EPHA3: variants seen among roughly 807,000 people sequenced by gnomAD.
EPHA3 encodes EPH receptor A3, also known as ephrin type-A receptor 3.
Under a neutral mutation model 107.1 loss-of-function variants are expected in EPHA3, and 42 were observed. That is an observed-to-expected ratio of 0.39 (90% confidence interval 0.31 to 0.51). The LOEUF (loss-of-function observed/expected upper bound fraction) is 0.51. Ranked by LOEUF, EPHA3 falls within the 20% of genes least tolerant of loss-of-function variation. EPHA3 has a pLI of 0.78. For missense variants in EPHA3, 1,183 were observed against 1,211.2 expected (o/e 0.98, Z 0.35); for synonymous variants, 461 against 424.8 (o/e 1.09, Z -1.05).
chr3:89,423,208 G>C (rs1559690641), intron 11 of EPHA3, among the ~76,000 whole-genome samples: 4 of 151,494 alleles, frequency 2.6e-5, no homozygotes, highest in Admixed American at 2.0e-4. Context: ...TGTAACTTAA[G>C]TGTAACTTTG....
chr3:89,192,748 A>G (rs1705749832), intron 2 of EPHA3, among the ~76,000 whole-genome samples: 2 of 152,056 alleles, frequency 1.3e-5, no homozygotes, highest in South Asian at 4.1e-4. Flanking sequence ...ATATGTTACC[A>G]TTTTAGGTGT....
chr3:89,419,812 C>CCCCTGCAT (rs1331862587), intron 11 of EPHA3, among the ~76,000 whole-genome samples: 1 of 151,334 alleles, frequency 6.6e-6, no homozygotes, highest in Non-Finnish European at 1.5e-5. Context: ...CTCCTCCCAC[C>CCCCTGCAT]CCCTGCATCC....
chr3:89,376,563 T>C (rs1708409024), intron 5 of EPHA3, among the ~76,000 whole-genome samples: 1 of 152,014 alleles, frequency 6.6e-6, no homozygotes, highest in African/African-American at 2.4e-5. Context: ...AAATAATTTA[T>C]GTTTTAATTT....
At chr3:89,339,850 C>T (rs539403510) in intron 3 of EPHA3, among the ~76,000 whole-genome samples, 2 of 152,150 alleles carry the variant, frequency 1.3e-5, no homozygotes, top group East Asian at 3.9e-4. Context: ...TCATCAAGTC[C>T]AAATGTGGCA....
chr3:89,344,897 C>G (rs924804196), intron 5 of EPHA3, among the ~76,000 whole-genome samples: 2 of 141,540 alleles, frequency 1.4e-5, no homozygotes, highest in East Asian at 2.0e-4. Flanking sequence ...TCAATACTTT[C>G]ACAAAGTATG....
At chr3:89,433,379 C>T (rs572310748) in intron 13 of EPHA3, among the ~76,000 whole-genome samples, 99 of 152,078 alleles carry the variant, frequency 6.5e-4, no homozygotes, top group Non-Finnish European at 1.2e-3. Flanking sequence ...GCATGCATAT[C>T]ATGCTATAAT....
intron 2 of EPHA3, among the ~76,000 whole-genome samples, chr3:89,147,296 C>T (rs1704582809): frequency 6.6e-6 from 1 of 151,520 alleles, no homozygotes. Context: ...CACATATATA[C>T]CTATGTAACA....
In EPHA3 at chr3:89,341,870, A is replaced by G. The variant is rs1230921861; in HGVS notation, c.1086A>G (p.Ile362Met). The change falls in exon 5 of 17, where the codon ATA (isoleucine) becomes ATG (methionine). Residue 362 changes from isoleucine (I) to methionine (M), a missense_variant. Physicochemically the swap from Ile to Met is conservative, Grantham distance 10. Transcript: ENST00000336596. ...GGRKDVTFNI[I>M]CKKCGWNIKQ... ...GGAAAGATGTTACCTTCAACATCATATGTAAAAAATGTGGGTGGAATATAA... is the reference window on the plus strand; with the variant it reads ...GGAAAGATGTTACCTTCAACATCATGTGTAAAAAATGTGGGTGGAATATAA... The G allele has an allele frequency of 6.2e-7, 1 of 1,613,910 alleles. No individual in the cohort carries two copies. The highest frequency in any genetic ancestry group is 8.5e-7 in the Non-Finnish European group (1 of 1,180,004).
intron 2 of EPHA3, among the ~76,000 whole-genome samples, chr3:89,141,703 G>A (rs1264291590): frequency 6.6e-6 from 1 of 151,384 alleles, no homozygotes; most frequent in African/African-American, 2.4e-5. Context: ...GAACTTCAAT[G>A]AAACTTTAAA....
intron 13 of EPHA3, among the ~76,000 whole-genome samples, chr3:89,438,114 T>G (rs989778078): frequency 2.0e-5 from 3 of 152,066 alleles, no homozygotes; most frequent in African/African-American, 7.2e-5. Flanking sequence ...TTTTGTTTTG[T>G]TTTGTTTTTT....
intron 2 of EPHA3, among the ~76,000 whole-genome samples, chr3:89,184,405 T>C (rs1443993458): frequency 6.6e-6 from 1 of 152,046 alleles, no homozygotes; most frequent in Non-Finnish European, 1.5e-5. Context: ...CCTCCATTCA[T>C]TGGGCTGGTT....
chr3:89,474,692 A>C (rs1710471385), intron 16 of EPHA3, among the ~76,000 whole-genome samples: 2 of 152,254 alleles, frequency 1.3e-5, no homozygotes, highest in African/African-American at 4.8e-5. Flanking sequence ...TTTGCAATTC[A>C]AATATTGTCA....
chr3:89,456,746 A>G (rs370875397), intron 15 of EPHA3, among the ~76,000 whole-genome samples: 1 of 152,216 alleles, frequency 6.6e-6, no homozygotes, highest in Non-Finnish European at 1.5e-5. Flanking sequence ...ACTTTGTGTT[A>G]TGCTTGTTCC....
rs1430503604 is a variant in EPHA3 at position 89,364,402 on chromosome 3, C to G, written c.1306+22312C>G. ...ATAAGCATAGGGATCCCTAGTAGCA[C>G]ATGCATTTTTAAATCACTCTACAGA... On this transcript the variant is annotated intron_variant, in intron 5 of 16. Coordinates refer to ENST00000336596, the MANE Select transcript of EPHA3 (RefSeq NM_005233.6). Among the ~76,000 whole-genome samples the G allele has an allele frequency of 2.0e-5, 3 of 151,056 alleles. 1 individual carries two copies. Among genetic ancestry groups the G allele is most frequent in the Non-Finnish European group, 4.4e-5 (3 of 67,434 alleles).
At chr3:89,165,035 G>A (rs571038836) in intron 2 of EPHA3, among the ~76,000 whole-genome samples, 34 of 152,084 alleles carry the variant, frequency 2.2e-4, no homozygotes, top group Non-Finnish European at 4.6e-4. Flanking sequence ...AAGATTGCAG[G>A]TCCTTCTTAG....
chr3:89,435,814 G>A (rs1408371704), intron 13 of EPHA3, among the ~76,000 whole-genome samples: 1 of 150,504 alleles, frequency 6.6e-6, no homozygotes. Context: ...TTAGCTGGGT[G>A]TGGTGGTGTG....
intron 1 of EPHA3, among the ~76,000 whole-genome samples, chr3:89,113,552 C>T (rs1707172487): frequency 9.5e-6 from 1 of 105,750 alleles, no homozygotes; most frequent in African/African-American, 3.2e-5. Context: ...AAAGTTTTTG[C>T]AGGAGAAAAG....
chr3:89,356,274 A>G (rs1707953687), intron 5 of EPHA3, among the ~76,000 whole-genome samples: 1 of 150,872 alleles, frequency 6.6e-6, no homozygotes, highest in African/African-American at 2.4e-5. Flanking sequence ...TGCTATTGTG[A>G]ATAGTGCTGC....
chr3:89,437,803 A>T (rs1015371989), intron 13 of EPHA3, among the ~76,000 whole-genome samples: 1 of 152,232 alleles, frequency 6.6e-6, no homozygotes, highest in Non-Finnish European at 1.5e-5. Context: ...TGGGTAAGCC[A>T]TCACTTCAAT....
Sources: gnomAD v4.1 joint callset for allele counts (sites outside exome capture counted in the v4.1 genomes callset) on GRCh38, gnomAD v4.1.1 for gene constraint, MANE v1.5 for transcripts, NCBI Gene and HGNC (gene_info 2026-07-23, HGNC 2026-07-21) for gene names.